YAF2: variants seen among roughly 807,000 people sequenced by gnomAD.
YAF2 encodes YY1-associated factor 2.
A neutral mutation model predicts 20.1 loss-of-function variants in YAF2; 7 were observed. The ratio of observed to expected loss-of-function variants is 0.35; its 90% CI spans 0.20 to 0.65. The LOEUF is 0.65. Among genes scored for constraint, YAF2 ranks in the 30% least tolerant of loss-of-function variants. The pLI, the probability that YAF2 is intolerant of heterozygous loss-of-function variation, is 0.69. For missense variants in YAF2, 151 were observed against 219.2 expected (o/e 0.69, Z 1.96); for synonymous variants, 74 against 76.0 (o/e 0.97, Z 0.14).
chr12:42,232,675 G>T, intron 2 of YAF2: 1 of 985,370 alleles, frequency 1.0e-6, no homozygotes, highest in Non-Finnish European at 1.2e-6. Flanking sequence ...CAAAAGTCTA[G>T]AAGAATCAGT....
At chr12:42,187,211 C>A (rs1350798554) in intron 2 of YAF2, among the ~76,000 whole-genome samples, 1 of 152,070 alleles carries the variant, frequency 6.6e-6, no homozygotes, top group Non-Finnish European at 1.5e-5. Context: ...GGCTGGAGTG[C>A]AGTGGCACAA....
At chr12:42,208,999 T>A (rs2067129887) in intron 2 of YAF2, among the ~76,000 whole-genome samples, 1 of 152,108 alleles carries the variant, frequency 6.6e-6, no homozygotes, top group African/African-American at 2.4e-5. Flanking sequence ...AACCTAGTAA[T>A]AATACAAAAT....
chr12:42,201,919 T>A (rs1292282101), intron 2 of YAF2, among the ~76,000 whole-genome samples: 2 of 152,200 alleles, frequency 1.3e-5, no homozygotes, highest in East Asian at 3.9e-4. Context: ...GGCAACAAAA[T>A]CATTTACCCT....
In YAF2 at chr12:42,199,053, AT is replaced by A. The variant is rs1452349149; in HGVS notation, c.153-37289del. 10 of 702,924 alleles carry A rather than the reference AT, an allele frequency of 1.4e-5. No individual in the cohort carries two copies. The African/African-American group carries it at 1.5e-4, about 11-fold the overall frequency. 43.5% of individuals were successfully genotyped at this position (702,924 alleles called of 1,614,324 possible). ...TTTTAACATTTTTGTTGAATTTAAT[AT>A]TGTTTGTTCCTTTAGTATTAATTTC... On this transcript the variant is annotated intron_variant, in intron 2 of 3. Coordinates refer to ENST00000534854, the MANE Select transcript of YAF2 (RefSeq NM_005748.6).
At chr12:42,202,282 G>C (rs150766395) in intron 2 of YAF2, among the ~76,000 whole-genome samples, 2 of 152,084 alleles carry the variant, frequency 1.3e-5, no homozygotes, top group Non-Finnish European at 2.9e-5. Flanking sequence ...TTTTTTAACA[G>C]AGGTACTTAC....
At chr12:42,161,163 G>A (rs2065791521) in intron 3 of YAF2, 2 of 305,324 alleles carry the variant, frequency 6.6e-6, no homozygotes, top group Admixed American at 4.9e-5. Context: ...CATGGAGGAA[G>A]GTGATAAAAG....
chr12:42,186,315 C>T (rs945083374), intron 2 of YAF2, among the ~76,000 whole-genome samples: 8 of 151,390 alleles, frequency 5.3e-5, no homozygotes, highest in African/African-American at 1.7e-4. Flanking sequence ...GATGGTGTCA[C>T]GGCACTCCAG....
At chr12:42,208,499 T>C (rs2067115927) in intron 2 of YAF2, among the ~76,000 whole-genome samples, 1 of 152,166 alleles carries the variant, frequency 6.6e-6, no homozygotes, top group African/African-American at 2.4e-5. Context: ...CTAAAGCTAA[T>C]ATTTAAGGGC....
chr12:42,193,220 C>T (rs1320469553), intron 2 of YAF2, among the ~76,000 whole-genome samples: 1 of 151,356 alleles, frequency 6.6e-6, no homozygotes, highest in Non-Finnish European at 1.5e-5. Context: ...GAGGCTGAGG[C>T]AGGCGAATCA....
intron 2 of YAF2, among the ~76,000 whole-genome samples, chr12:42,204,101 CT>C (rs144831644): frequency 0.024 from 3,654 of 152,166 alleles, 146 homozygotes; most frequent in African/African-American, 0.084. Context: ...AAATCTATCC[CT>C]TCTGACACCA....
At chr12:42,175,178 G>A (rs2066148064) in intron 2 of YAF2, among the ~76,000 whole-genome samples, 1 of 152,120 alleles carries the variant, frequency 6.6e-6, no homozygotes, top group African/African-American at 2.4e-5. Context: ...CCATACAATG[G>A]AATACTACTC....
chr12:42,178,387 T>C (rs180936260), intron 2 of YAF2, among the ~76,000 whole-genome samples: 78 of 152,282 alleles, frequency 5.1e-4, no homozygotes, highest in African/African-American at 1.9e-3. Context: ...CAATGGCCTA[T>C]AAAACAAGAT....
chr12:42,205,303 G>C (rs2067008921), intron 2 of YAF2, among the ~76,000 whole-genome samples: 1 of 151,120 alleles, frequency 6.6e-6, no homozygotes, highest in Non-Finnish European at 1.5e-5. Flanking sequence ...ATTTTTCTTG[G>C]GTATTTCCGG....
intron 2 of YAF2, among the ~76,000 whole-genome samples, chr12:42,162,028 C>T (rs2065810202): frequency 2.0e-5 from 3 of 151,928 alleles, no homozygotes; most frequent in African/African-American, 7.2e-5. Context: ...TTACGTAAAT[C>T]AACATAAGAA....
rs548540208 is a variant in YAF2 at position 42,165,884 on chromosome 12, ATATC to A, written c.153-4123_153-4120del. Among the ~76,000 whole-genome samples, 531 of 146,922 alleles carry A rather than the reference ATATC, an allele frequency of 3.6e-3. 4 individuals carry two copies. Among genetic ancestry groups the A allele is most frequent in the African/African-American group, 0.013 (513 of 39,624 alleles). On this transcript the variant is annotated intron_variant, in intron 2 of 3. Transcript: ENST00000534854. ...TGATTCTTGGTTTTAAATTCTATCT[ATATC>A]TATCTATCTATCTATCTGTCTATAT...
At chr12:42,188,679 C>T (rs2137086555) in intron 2 of YAF2, among the ~76,000 whole-genome samples, 1 of 152,020 alleles carries the variant, frequency 6.6e-6, no homozygotes, top group South Asian at 2.1e-4. Context: ...AGCCACAGTG[C>T]CCAGTCAGAA....
At chr12:42,172,400 T>A (rs1350051359) in intron 2 of YAF2, among the ~76,000 whole-genome samples, 2 of 152,228 alleles carry the variant, frequency 1.3e-5, no homozygotes, top group African/African-American at 4.8e-5. Flanking sequence ...CATCAGCAGA[T>A]GGGCTAGAGC....
intron 2 of YAF2, among the ~76,000 whole-genome samples, chr12:42,223,355 C>CACACAT (rs947742046): frequency 6.7e-6 from 1 of 149,942 alleles, no homozygotes; most frequent in African/African-American, 2.5e-5. Flanking sequence ...CACACACACA[C>CACACAT]ATATATATAC....
chr12:42,167,378 A>T (rs1164694328), intron 2 of YAF2, among the ~76,000 whole-genome samples: 2 of 152,198 alleles, frequency 1.3e-5, no homozygotes, highest in Non-Finnish European at 2.9e-5. Flanking sequence ...TCAAATAACT[A>T]AGATCCCGTT....
Sources: gnomAD v4.1 joint callset for allele counts (sites outside exome capture counted in the v4.1 genomes callset) on GRCh38, gnomAD v4.1.1 for gene constraint, MANE v1.5 for transcripts, NCBI Gene and HGNC (gene_info 2026-07-23, HGNC 2026-07-21) for gene names.